Variants in BRINP3 observed in about 807,000 individuals in gnomAD.
The protein encoded by BRINP3 is BMP/retinoic acid inducible neural specific 3, also known as BMP/retinoic acid-inducible neural-specific protein 3.
In BRINP3, 19 loss-of-function variants were observed where a neutral mutation model predicts 71.0. The observed-to-expected ratio is 0.27, with a 90% CI of 0.19 to 0.39. The LOEUF (loss-of-function observed/expected upper bound fraction) is 0.39. BRINP3 is among the 10% of genes least tolerant of loss of function. The probability of loss-of-function intolerance (pLI) is 1.00; values close to 1 mark genes in which losing one functional copy is unlikely to be tolerated. For missense variants in BRINP3, 959 were observed against 940.8 expected, an observed-to-expected ratio of 1.02 and a Z score of -0.25; for synonymous variants, 380 against 337.7, an observed-to-expected ratio of 1.13 and a Z score of -1.37.
intron 7 of BRINP3, among the ~76,000 whole-genome samples, chr1:190,120,657 G>T (rs1045167587): frequency 2.1e-5 from 3 of 139,914 alleles, no homozygotes; most frequent in Non-Finnish European, 4.4e-5. Context: ...ACCACGCCCG[G>T]CTAATTTTTT....
chr1:190,339,005 AAAATAAATAAATAAATAAAT>A (rs144106726), intron 2 of BRINP3, among the ~76,000 whole-genome samples: 15 of 143,776 alleles, frequency 1.0e-4, no homozygotes, highest in African/African-American at 1.5e-4. Flanking sequence ...TTGCAAATGC[AAAATAAATAAATAAATAAAT>A]AAATAAATAA....
At chr1:190,275,813 T>C (rs1662505654) in intron 3 of BRINP3, among the ~76,000 whole-genome samples, 1 of 151,686 alleles carries the variant, frequency 6.6e-6, no homozygotes. Flanking sequence ...TACATTTTGC[T>C]CTTGTTTATT....
At chr1:190,259,643 T>C (rs1370924244) in intron 4 of BRINP3, among the ~76,000 whole-genome samples, 2 of 110,204 alleles carry the variant, frequency 1.8e-5, no homozygotes, top group Non-Finnish European at 3.5e-5. Flanking sequence ...AATAAATAAA[T>C]AAATAAATAA....
intron 1 of BRINP3, among the ~76,000 whole-genome samples, chr1:190,455,179 A>G (rs1675904089): frequency 6.6e-6 from 1 of 152,156 alleles, no homozygotes; most frequent in African/African-American, 2.4e-5. Flanking sequence ...TTGTCATAAC[A>G]ATTTTATTCA....
At chr1:190,352,833 C>A (rs968955877) in intron 2 of BRINP3, among the ~76,000 whole-genome samples, 19 of 126,768 alleles carry the variant, frequency 1.5e-4, no homozygotes, top group African/African-American at 5.2e-4. Context: ...TATACTGCAA[C>A]AGATATTCTC....
At chr1:190,103,198 G>C (rs1272571828) in intron 7 of BRINP3, among the ~76,000 whole-genome samples, 1 of 151,926 alleles carries the variant, frequency 6.6e-6, no homozygotes, top group Non-Finnish European at 1.5e-5. Flanking sequence ...GCAAATATTT[G>C]TTCAAATTAT....
At chr1:190,167,192 T>G (rs989894459) in intron 6 of BRINP3, among the ~76,000 whole-genome samples, 1 of 152,284 alleles carries the variant, frequency 6.6e-6, no homozygotes, top group Non-Finnish European at 1.5e-5. Context: ...CCTGTTTGTC[T>G]TATTTACATC....
At chr1:190,142,346 T>C (rs1307608802) in intron 7 of BRINP3, among the ~76,000 whole-genome samples, 2 of 152,274 alleles carry the variant, frequency 1.3e-5, no homozygotes, top group Non-Finnish European at 2.9e-5. Context: ...CTAATCATAA[T>C]TAGTTATGTG....
At chr1:190,206,815 T>C (rs560628700) in intron 6 of BRINP3, among the ~76,000 whole-genome samples, 1 of 152,122 alleles carries the variant, frequency 6.6e-6, no homozygotes, top group Non-Finnish European at 1.5e-5. Context: ...TTATTTACAA[T>C]CTAAGAAAAT....
At chr1:190,278,632 G>C (rs1224290531) in intron 3 of BRINP3, among the ~76,000 whole-genome samples, 1 of 151,454 alleles carries the variant, frequency 6.6e-6, no homozygotes, top group Non-Finnish European at 1.5e-5. Context: ...GTAATATTTT[G>C]AGAAGAAAAA....
At chr1:190,238,914 A>C (rs1217971599) in intron 4 of BRINP3, among the ~76,000 whole-genome samples, 1 of 152,150 alleles carries the variant, frequency 6.6e-6, no homozygotes, top group Non-Finnish European at 1.5e-5. Context: ...GCTACCAGAG[A>C]CTAGGTAATT....
intron 7 of BRINP3, among the ~76,000 whole-genome samples, chr1:190,136,869 T>C (rs1655016728): frequency 6.6e-6 from 1 of 152,016 alleles, no homozygotes; most frequent in African/African-American, 2.4e-5. Flanking sequence ...ATAACAGATA[T>C]TTATTAAACA....
intron 2 of BRINP3, among the ~76,000 whole-genome samples, chr1:190,424,965 T>A (rs569011451): frequency 4.0e-5 from 6 of 151,322 alleles, no homozygotes; most frequent in Admixed American, 1.3e-4. Flanking sequence ...AGGATCCAAT[T>A]AAAGGGAAGA....
rs1033138883 is a variant in BRINP3, at chr1:190,286,961, G to A, written c.237-5211C>T. ...TGGCTGGGCACAGTGGCTCATGCCT[G>A]TAATCCAAGCACTTTGGGAGGCTGA... On this transcript the variant is annotated intron_variant, in intron 2 of 7. Coordinates refer to ENST00000367462, the MANE Select transcript of BRINP3 (RefSeq NM_199051.3). Among the ~76,000 whole-genome samples, 3 of 151,860 alleles carry A rather than the reference G, an allele frequency of 2.0e-5. No individual in the cohort carries two copies. The South Asian group carries it at 6.2e-4, about 31-fold the overall frequency.
At chr1:190,213,070 AATG>A (rs1656121773) in intron 6 of BRINP3, among the ~76,000 whole-genome samples, 1 of 152,054 alleles carries the variant, frequency 6.6e-6, no homozygotes, top group Non-Finnish European at 1.5e-5. Context: ...CTGAAATGGG[AATG>A]ATAACAATCC....
At chr1:190,196,088 C>T (rs182939692) in intron 6 of BRINP3, among the ~76,000 whole-genome samples, 2 of 152,206 alleles carry the variant, frequency 1.3e-5, no homozygotes, top group Non-Finnish European at 2.9e-5. Flanking sequence ...ATTTTCAAAA[C>T]CAAGATTTAT....
chr1:190,419,393 T>G (rs1673214969), intron 2 of BRINP3, among the ~76,000 whole-genome samples: 1 of 152,204 alleles, frequency 6.6e-6, no homozygotes, highest in South Asian at 2.1e-4. Context: ...AAGTTTAAAT[T>G]ATTGGTCACA....
chr1:190,303,474 A>T (rs1399934027), intron 2 of BRINP3, among the ~76,000 whole-genome samples: 3 of 151,736 alleles, frequency 2.0e-5, no homozygotes, highest in South Asian at 2.1e-4. Context: ...AATATTGAGA[A>T]ATCAGGCTGC....
Position 190,122,734 on chromosome 1 carries a change from A to T in BRINP3, c.1185-23600T>A, listed in dbSNP as rs1049483294. Among the ~76,000 whole-genome samples, 6 of 152,226 alleles carry T rather than the reference A, an allele frequency of 3.9e-5. No homozygotes were observed. The South Asian group carries it at 8.3e-4, about 21-fold the overall frequency. ...CCCTAAAACTTAAAGTATAATACAAAAAAACCTTGATTTCAGAATTATATT... is the reference window on the plus strand; with the variant it reads ...CCCTAAAACTTAAAGTATAATACAATAAAACCTTGATTTCAGAATTATATT... On this transcript the variant is annotated intron_variant, in intron 7 of 7. Transcript: ENST00000367462.
Sources: allele counts gnomAD v4.1 joint callset (sites outside exome capture counted in the v4.1 genomes callset), GRCh38; gene constraint gnomAD v4.1.1; transcripts MANE v1.5; gene names NCBI Gene and HGNC (gene_info 2026-07-23, HGNC 2026-07-21).